RSPH4A: variants seen among roughly 807,000 people sequenced by gnomAD.
The protein encoded by RSPH4A is radial spoke head protein 4 homolog A.
In RSPH4A, 47 loss-of-function variants were observed where a neutral mutation model predicts 71.0. That is an observed-to-expected ratio of 0.66 (90% CI 0.52 to 0.84). The LOEUF (loss-of-function observed/expected upper bound fraction) is 0.84. Ranked by LOEUF, RSPH4A falls within the 40% of genes least tolerant of loss-of-function variation. RSPH4A has a pLI of 0.00. For missense variants in RSPH4A, 793 were observed against 855.2 expected (o/e 0.93, Z 0.91); for synonymous variants, 282 against 302.3 (o/e 0.93, Z 0.70).
chr6:116,623,144 C>A, intron 2 of RSPH4A, 142 bp downstream of exon 2: 1 of 636,506 alleles, frequency 1.6e-6, no homozygotes, highest in South Asian at 2.0e-5. Context: ...GGCTCCCAGG[C>A]TTGGAGTACA....
rs1775756250 is a variant in RSPH4A, at chr6:116,629,440, A to AGAAT, written c.1663-114_1663-111dup. ...AAAATAGCACTTGGAAAATGTATGT[A>AGAAT]GAATGAATGAATGAATAATTGATTA... On this transcript the variant is annotated intron_variant, in intron 3 of 5. Coordinates refer to ENST00000229554, the MANE Select transcript of RSPH4A (RefSeq NM_001010892.3). The AGAAT allele has an allele frequency of 1.3e-5, 13 of 998,014 alleles. No homozygotes were observed. In the Admixed American group the frequency reaches 1.3e-4, roughly 10 times the overall value. 61.8% of individuals were successfully genotyped at this position (998,014 alleles called of 1,614,324 possible).
In RSPH4A at chr6:116,617,300, G is replaced by T. The variant is rs1195790119; in HGVS notation, c.677G>T (p.Gly226Val). The T allele has an allele frequency of 6.2e-7, 1 of 1,610,938 alleles. No individual in the cohort carries two copies. The highest frequency in any genetic ancestry group is 8.5e-7 in the Non-Finnish European group (1 of 1,178,516). The change falls in exon 1 of 6, where the codon GGC becomes GTC. Residue 226 changes from glycine to valine, a missense_variant. Gly to Val is a moderately radical substitution (Grantham distance 109). Transcript: ENST00000229554. ...CTGCTGAAGACTAGCAGCAATTCGG[G>T]CTTTAATCTGTAAGTCTCAGAGGGA... The part of the protein sequence containing the change: ...AYLLKTSSNS[G>V]FNLYDHLSNM...
chr6:116,621,992 A>G (rs1365030519), intron 1 of RSPH4A, among the ~76,000 whole-genome samples: 1 of 152,240 alleles, frequency 6.6e-6, no homozygotes, highest in Non-Finnish European at 1.5e-5. Context: ...GTAATGAATT[A>G]CTGAGAGGAT....
At position 116,616,720 on chromosome 6, in the gene RSPH4A, C is replaced by T. The variant is rs1282740503; in HGVS notation, c.97C>T (p.Gln33Ter). ...PWEGKTAASP[Q>*]YSEPESSEPL... The stretch of plus-strand genomic sequence containing the variant: ...GGAAGGAAAGACAGCAGCTTCTCCC[C>T]AATATTCTGAGCCTGAGTCGTCTGA... Residue 33 changes from glutamine to a stop codon, truncating the protein, a stop_gained, in exon 1 of 6, where the codon CAA (glutamine) becomes TAA (stop). Coordinates refer to ENST00000229554, the MANE Select transcript of RSPH4A (RefSeq NM_001010892.3). LOFTEE classifies it high-confidence loss of function. 1.2e-6 allele frequency: 2 copies of T among 1,613,992 alleles called. No individual in the cohort carries two copies. The highest frequency in any genetic ancestry group is 1.7e-6 in the Non-Finnish European group (2 of 1,180,022).
rs192988864 is a variant in RSPH4A at position 116,618,848 on chromosome 6, C to T, written c.686+1539C>T. On this transcript the variant is annotated intron_variant, in intron 1 of 5. Coordinates refer to ENST00000229554, the MANE Select transcript of RSPH4A (RefSeq NM_001010892.3). ...AGGTTGAGGGCTCAATCCCACAAGA[C>T]TGCCCCACACTTCCAATGCCAATTA... Among the ~76,000 whole-genome samples, 495 of 152,348 alleles carry T rather than the reference C, an allele frequency of 3.2e-3. 13 individuals are homozygous for T. The highest frequency in any genetic ancestry group is 0.024 in the Admixed American group (367 of 15,300).
At chr6:116,624,382 A>G (rs774063602) in intron 2 of RSPH4A, among the ~76,000 whole-genome samples, 2 of 152,248 alleles carry the variant, frequency 1.3e-5, no homozygotes, top group South Asian at 4.1e-4. Flanking sequence ...GAGTTAATCA[A>G]AGAAAGTTCA....
At chr6:116,632,183 T>G (rs756148696) in intron 5 of RSPH4A, 24 bp from the exon 6 acceptor site, 1 of 1,538,986 alleles carries the variant, frequency 6.5e-7, no homozygotes, top group South Asian at 1.2e-5. Context: ...GATCTTTTTT[T>G]CTTCTTCTTT....
chr6:116,625,476 GA>G (rs1338768463), intron 2 of RSPH4A, among the ~76,000 whole-genome samples: 1 of 152,170 alleles, frequency 6.6e-6, no homozygotes, highest in African/African-American at 2.4e-5. Context: ...TAAACAGTAA[GA>G]AGTTTTTAAA....
At position 116,626,378 on chromosome 6, in the gene RSPH4A, G is replaced by T. The variant is rs189052303; in HGVS notation, c.922-1251G>T. ...TTTTCTTTTTCTTTTTTTTGAGACC[G>T]TCACCCAGGCTGTAGTGCAGTGGCG... On this transcript the variant is annotated intron_variant, in intron 2 of 5. Coordinates refer to ENST00000229554, the MANE Select transcript of RSPH4A (RefSeq NM_001010892.3). 6.6e-5 allele frequency among the ~76,000 whole-genome samples: 10 copies of T among 151,310 alleles called. No homozygotes were observed. In the East Asian group the frequency reaches 1.5e-3, roughly 23 times the overall value.
In RSPH4A at chr6:116,628,145, G is replaced by A; in HGVS notation, c.1438G>A (p.Glu480Lys). 1.2e-6 allele frequency: 2 copies of A among 1,614,156 alleles called. No homozygotes were observed. Among genetic ancestry groups the A allele is most frequent in the Non-Finnish European group, 1.7e-6 (2 of 1,180,034 alleles). The change falls in exon 3 of 6, where the codon GAG (glutamate) becomes AAG (lysine). Residue 480 changes from glutamate to lysine, a missense_variant. Physicochemically the swap from Glu to Lys is moderately conservative, Grantham distance 56. Transcript: ENST00000229554. ...AAGCTACCCACCTTTCCCAGGAAAT[G>A]AGAGTAATTATTTACGAGCACAAAT... ...IISYPPFPGN[E>K]SNYLRAQIAR...
At position 116,632,539 on chromosome 6, in the gene RSPH4A, A is replaced by C; in HGVS notation, c.*98A>C. ...TTTTCTGTGTTATGTGTGTATATAC[A>C]TACACATGTAAGAAATTATTCAACT... is the stretch of plus-strand genomic sequence containing the variant. On this transcript the variant is annotated 3_prime_UTR_variant, in exon 6 of 6. Transcript: ENST00000229554. 2.8e-6 allele frequency: 4 copies of C among 1,412,002 alleles called. No individual in the cohort carries two copies. The highest frequency in any genetic ancestry group is 3.8e-6 in the Non-Finnish European group (4 of 1,044,946). 87.5% of individuals were successfully genotyped at this position (1,412,002 alleles called of 1,614,324 possible). A position where few individuals can be genotyped will look rare whatever the true frequency, so the allele number is the denominator to read the frequency against.
chr6:116,630,257 T>A lies in RSPH4A; in HGVS notation c.1799-178T>A, dbSNP rs931339554. Among the ~76,000 whole-genome samples the A allele has an allele frequency of 5.3e-5, 8 of 152,174 alleles. No homozygotes were observed. In the South Asian group the frequency reaches 1.7e-3, roughly 32 times the overall value. Reference sequence around the variant, plus strand: ...TTTCAAATTCCATTGTTCCAAAACATTCATGAAGTACCCTCCTGATTTTGT... The same window carrying A: ...TTTCAAATTCCATTGTTCCAAAACAATCATGAAGTACCCTCCTGATTTTGT... On this transcript the variant is annotated intron_variant, in intron 4 of 5. Transcript: ENST00000229554.
Position 116,617,185 on chromosome 6 carries a change from A to G in RSPH4A, c.562A>G (p.Ser188Gly). The change falls in exon 1 of 6, where the codon AGT becomes GGT. Residue 188 changes from serine to glycine, a missense_variant. Coordinates refer to ENST00000229554, the MANE Select transcript of RSPH4A (RefSeq NM_001010892.3). ...CGTTTTTCAGGAGGAAGACTCAAAC[A>G]GTGACTATGATTTACAGCAGCCGGC... Reference protein sequence around the residue: ...FDVFQEEDSNSDYDLQQPAPG... With the variant: ...FDVFQEEDSNGDYDLQQPAPG... 1.2e-6 allele frequency: 2 copies of G among 1,614,232 alleles called. No homozygotes were observed. Among genetic ancestry groups the G allele is most frequent in the South Asian group, 2.2e-5 (2 of 91,090 alleles).
chr6:116,630,631 A>G (rs1775780910), intron 5 of RSPH4A, 79 bp downstream of exon 5: 2 of 762,942 alleles, frequency 2.6e-6, no homozygotes, highest in African/African-American at 3.5e-5. Context: ...TAGAATGTTA[A>G]GCTACTATCG....
Position 116,630,847 on chromosome 6 carries a change from A to ATTTTTTTTTTT in RSPH4A, c.1916+308_1916+318dup, listed in dbSNP as rs10694358. Among the ~76,000 whole-genome samples, 348 of 87,074 alleles carry ATTTTTTTTTTT rather than the reference A, an allele frequency of 4.0e-3. 2 individuals carry two copies. The highest frequency in any genetic ancestry group is 5.0e-3 in the Non-Finnish European group (238 of 47,588). The allele number at this position is 87,074 out of a possible 152,430, so 57.1% of individuals were successfully genotyped here. On this transcript the variant is annotated intron_variant, in intron 5 of 5. Transcript: ENST00000229554. ...ACCACTATGCCCAGCTAATTTTTGTATTTTTTTTTTTTTTTTTTTTTTTAG... is the reference window on the plus strand; with the variant it reads ...ACCACTATGCCCAGCTAATTTTTGTATTTTTTTTTTTTTTTTTTTTTTTTTTTTTTTTTTAG...
Position 116,616,899 on chromosome 6 carries a change from C to T in RSPH4A, c.276C>T (p.Ser92=), listed in dbSNP as rs1412028959. The T allele has an allele frequency of 6.2e-7, 1 of 1,614,178 alleles. No homozygotes were observed. Among genetic ancestry groups the T allele is most frequent in the Non-Finnish European group, 8.5e-7 (1 of 1,180,024 alleles). The change falls in exon 1 of 6, where the codon TCC becomes TCT. Residue 92 remains serine (S), a synonymous_variant. Coordinates refer to ENST00000229554, the MANE Select transcript of RSPH4A (RefSeq NM_001010892.3). ...PAPVSPREPS[S]SPSPLAPARQ... ...CTGTCTCTCCGCGGGAGCCCTCTTC[C>T]TCTCCTTCTCCCCTGGCTCCGGCCA...
At position 116,629,678 on chromosome 6, in the gene RSPH4A, T is replaced by G; in HGVS notation, c.1774T>G (p.Leu592Val). Reference sequence around the variant, plus strand: ...AGAACAGGAAGTGGGGCTTCCTCTTTTGACACCAATCTCTGAAGATTTAGG... The same window carrying G: ...AGAACAGGAAGTGGGGCTTCCTCTTGTGACACCAATCTCTGAAGATTTAGG... ...YIEQEVGLPL[L>V]TPISEDLEIQ... is the part of the protein sequence containing the mutation. Residue 592 changes from leucine (L) to valine (V), a missense_variant, in exon 4 of 6, where the codon TTG (leucine) becomes GTG (valine). Coordinates refer to ENST00000229554, the MANE Select transcript of RSPH4A (RefSeq NM_001010892.3). The G allele has an allele frequency of 6.2e-7, 1 of 1,612,444 alleles. No individual in the cohort carries two copies. The highest frequency in any genetic ancestry group is 8.5e-7 in the Non-Finnish European group (1 of 1,178,526).
intron 1 of RSPH4A, among the ~76,000 whole-genome samples, chr6:116,619,270 G>T (rs1190295363): frequency 6.6e-6 from 1 of 152,154 alleles, no homozygotes; most frequent in Non-Finnish European, 1.5e-5. Flanking sequence ...ATTCTTCTTG[G>T]CCTCTCTGTG....
chr6:116,626,404 C>T (rs1490441113), intron 2 of RSPH4A, among the ~76,000 whole-genome samples: 3 of 151,926 alleles, frequency 2.0e-5, no homozygotes, highest in Non-Finnish European at 4.4e-5. Context: ...TGCAGTGGCG[C>T]GATCTCGGCT....
Sources: allele counts gnomAD v4.1 joint callset (sites outside exome capture counted in the v4.1 genomes callset), GRCh38; gene constraint gnomAD v4.1.1; transcripts MANE v1.5; gene names NCBI Gene and HGNC (gene_info 2026-07-23, HGNC 2026-07-21).